The following UST variants were observed in gnomAD, a reference collection of about 807,000 sequenced individuals.
The protein encoded by UST is chondroitin sulfate 2-O-sulfotransferase.
Under a neutral mutation model 45.6 loss-of-function variants are expected in UST, and 21 were observed. The observed-to-expected ratio is 0.46, with a 90% CI of 0.33 to 0.66. UST has a LOEUF of 0.66. Ranked by LOEUF, UST falls within the 30% of genes least tolerant of loss-of-function variation. The pLI is 0.02. For missense variants in UST, 463 were observed against 512.4 expected (o/e 0.90, Z 0.93); for synonymous variants, 215 against 200.6 (o/e 1.07, Z -0.61).
intron 3 of UST, 98 bp from the exon 4 acceptor site, chr6:148,953,771 CAAA>C (rs58266916): frequency 0.017 from 4,494 of 264,356 alleles, no homozygotes; most frequent in South Asian, 0.03. Context: ...GACTCCATCT[CAAA>C]AAAAAAAAAA....
At chr6:148,997,456 ATGAG>A (rs1192918783) in intron 5 of UST, among the ~76,000 whole-genome samples, 1 of 152,236 alleles carries the variant, frequency 6.6e-6, no homozygotes, top group Non-Finnish European at 1.5e-5. Flanking sequence ...TGGAAAATGA[ATGAG>A]TGAATGAATG....
intron 2 of UST, among the ~76,000 whole-genome samples, chr6:148,932,340 C>T (rs1263763028): frequency 6.6e-6 from 1 of 152,016 alleles, no homozygotes; most frequent in Non-Finnish European, 1.5e-5. Context: ...AGATTGTGCT[C>T]CTGCACTCCA....
intron 1 of UST, among the ~76,000 whole-genome samples, chr6:148,832,252 A>T (rs144348049): frequency 6.6e-6 from 1 of 152,184 alleles, no homozygotes; most frequent in Non-Finnish European, 1.5e-5. Context: ...CGGCCTCCCA[A>T]AAGAATATTA....
chr6:148,764,291 C>G (rs911534223), intron 1 of UST, among the ~76,000 whole-genome samples: 5 of 152,058 alleles, frequency 3.3e-5, no homozygotes, highest in African/African-American at 1.2e-4. Flanking sequence ...TGGCTCTCAG[C>G]TTGAACATTA....
intron 2 of UST, among the ~76,000 whole-genome samples, chr6:148,903,955 G>A (rs1779310360): frequency 6.6e-6 from 1 of 152,182 alleles, no homozygotes; most frequent in Admixed American, 6.5e-5. Flanking sequence ...AGTCAACAAA[G>A]ACCAAGAGAG....
At chr6:149,069,268 G>T (rs192281576) in intron 7 of UST, among the ~76,000 whole-genome samples, 1 of 152,122 alleles carries the variant, frequency 6.6e-6, no homozygotes. Context: ...ATAGTAGAAG[G>T]GTTGCTGGAT....
At chr6:148,792,269 A>G (rs2114705181) in intron 1 of UST, among the ~76,000 whole-genome samples, 1 of 152,340 alleles carries the variant, frequency 6.6e-6, no homozygotes, top group Non-Finnish European at 1.5e-5. Context: ...CGTGCAGACC[A>G]AAATAGATTC....
chr6:148,815,231 TA>T lies in UST; in HGVS notation c.247+67556del, dbSNP rs138705405. On this transcript the variant is annotated intron_variant, in intron 1 of 7. Transcript: ENST00000367463. ...AATATGCTTGTTTGCTTAAATAGTA[TA>T]ACATTTGTCTGGAAGGCTAGATAAG... 2.5e-3 allele frequency among the ~76,000 whole-genome samples: 382 copies of T among 152,348 alleles called. 2 individuals are homozygous for T. The highest frequency in any genetic ancestry group is 9.0e-3 in the African/African-American group (375 of 41,574).
chr6:148,792,716 A>G (rs1366467303), intron 1 of UST, among the ~76,000 whole-genome samples: 1 of 152,212 alleles, frequency 6.6e-6, no homozygotes, highest in Non-Finnish European at 1.5e-5. Context: ...ATATGTGGGG[A>G]GAGACAAATT....
At chr6:148,777,054 A>G (rs1776548859) in intron 1 of UST, among the ~76,000 whole-genome samples, 1 of 152,208 alleles carries the variant, frequency 6.6e-6, no homozygotes. Flanking sequence ...ACGTGTTGGA[A>G]TTTGTAAAAC....
intron 1 of UST, among the ~76,000 whole-genome samples, chr6:148,783,840 C>T (rs1405328158): frequency 1.3e-5 from 2 of 152,154 alleles, no homozygotes; most frequent in Admixed American, 1.3e-4. Context: ...TTTCTGTCCC[C>T]AGGGGGTTGG....
At chr6:148,914,321 A>G (rs939882870) in intron 2 of UST, among the ~76,000 whole-genome samples, 8 of 150,190 alleles carry the variant, frequency 5.3e-5, no homozygotes, top group Non-Finnish European at 8.9e-5. Flanking sequence ...CCTTTGATAA[A>G]TGAAATATGG....
At chr6:148,974,131 T>C (rs1385728490) in intron 5 of UST, among the ~76,000 whole-genome samples, 1 of 152,166 alleles carries the variant, frequency 6.6e-6, no homozygotes, top group Non-Finnish European at 1.5e-5. Flanking sequence ...TATTGAGGGC[T>C]TCTTCCCAAA....
intron 1 of UST, among the ~76,000 whole-genome samples, chr6:148,794,351 T>G (rs1776908484): frequency 6.6e-6 from 1 of 152,350 alleles, no homozygotes; most frequent in East Asian, 1.9e-4. Context: ...CATGTTTTTC[T>G]TCTAGTAACT....
chr6:148,940,454 C>CT (rs918288138), intron 2 of UST, among the ~76,000 whole-genome samples: 1 of 152,078 alleles, frequency 6.6e-6, no homozygotes, highest in Non-Finnish European at 1.5e-5. Context: ...GATCATGCCA[C>CT]TGCACTCCAG....
chr6:148,954,294 A>C (rs987160507), intron 4 of UST, among the ~76,000 whole-genome samples: 8 of 152,206 alleles, frequency 5.3e-5, no homozygotes, highest in African/African-American at 1.9e-4. Context: ...ATTTTTGTAC[A>C]ATTTGAACCT....
chr6:148,836,900 C>T (rs1777794775), intron 1 of UST, among the ~76,000 whole-genome samples: 1 of 152,130 alleles, frequency 6.6e-6, no homozygotes, highest in Non-Finnish European at 1.5e-5. Flanking sequence ...AAGACACTTA[C>T]ATTTGGGGGA....
chr6:149,025,261 A>G (rs1172479852), intron 7 of UST, among the ~76,000 whole-genome samples: 1 of 152,246 alleles, frequency 6.6e-6, no homozygotes, highest in Non-Finnish European at 1.5e-5. Flanking sequence ...ATATGCTGAC[A>G]TCAAGTAAAT....
intron 1 of UST, among the ~76,000 whole-genome samples, chr6:148,776,088 G>T (rs1256972646): frequency 1.3e-5 from 2 of 152,124 alleles, no homozygotes; most frequent in Non-Finnish European, 2.9e-5. Context: ...GAATTCCAGA[G>T]AATTGTCCTT....
Sources: gnomAD v4.1 joint callset for allele counts (sites outside exome capture counted in the v4.1 genomes callset) on GRCh38, gnomAD v4.1.1 for gene constraint, MANE v1.5 for transcripts, NCBI Gene and HGNC (gene_info 2026-07-23, HGNC 2026-07-21) for gene names.